FER: variants seen among roughly 807,000 people sequenced by gnomAD.
The protein encoded by FER is tyrosine-protein kinase Fer.
A neutral mutation model predicts 111.0 loss-of-function variants in FER; 63 were observed. The observed-to-expected ratio is 0.57, with a 90% confidence interval of 0.46 to 0.70. The LOEUF (loss-of-function observed/expected upper bound fraction) is 0.70. FER is among the 30% of genes least tolerant of loss of function. The pLI is 0.00. For missense variants in FER, 914 were observed against 954.0 expected (o/e 0.96, Z 0.55); for synonymous variants, 327 against 313.9 (o/e 1.04, Z -0.44).
chr5:109,045,438 G>A (rs1771825897), intron 15 of FER, among the ~76,000 whole-genome samples: 2 of 152,028 alleles, frequency 1.3e-5, no homozygotes, highest in Admixed American at 1.3e-4. Context: ...TTTCAAAGAT[G>A]AGTGAATTTA....
intron 5 of FER, among the ~76,000 whole-genome samples, chr5:108,867,145 T>C (rs147011644): frequency 1.0e-3 from 156 of 152,288 alleles, no homozygotes; most frequent in African/African-American, 3.5e-3. Context: ...CAAGGCTCTA[T>C]TTCAAGGACT....
intron 5 of FER, among the ~76,000 whole-genome samples, chr5:108,845,043 T>TATATATATATATATATATATATATATAC (rs1761855770): frequency 3.4e-5 from 1 of 29,336 alleles, no homozygotes; most frequent in Admixed American, 3.7e-4. Context: ...TATATATACA[T>TATATATATATATATATATATATATATAC]ATATATATAT....
chr5:108,802,932 T>C (rs575839083), intron 3 of FER, among the ~76,000 whole-genome samples: 3 of 152,306 alleles, frequency 2.0e-5, no homozygotes, highest in South Asian at 2.1e-4. Flanking sequence ...CTTTCTCTAG[T>C]GGCTGAACTA....
intron 13 of FER, among the ~76,000 whole-genome samples, chr5:108,972,763 C>T (rs1407617059): frequency 6.6e-6 from 1 of 152,122 alleles, no homozygotes; most frequent in Non-Finnish European, 1.5e-5. Context: ...ATTCTATTTT[C>T]AGAATAATGT....
At chr5:109,094,315 G>A (rs1332541605) in intron 16 of FER, among the ~76,000 whole-genome samples, 1 of 152,022 alleles carries the variant, frequency 6.6e-6, no homozygotes, top group Non-Finnish European at 1.5e-5. Flanking sequence ...CAGCTATATG[G>A]AATAATTGAG....
At chr5:108,984,638 G>T (rs1762372540) in intron 13 of FER, among the ~76,000 whole-genome samples, 1 of 150,870 alleles carries the variant, frequency 6.6e-6, no homozygotes, top group Non-Finnish European at 1.5e-5. Flanking sequence ...AATATTTATT[G>T]AGTATTATGC....
At chr5:108,973,647 A>T (rs1449423966) in intron 13 of FER, among the ~76,000 whole-genome samples, 3 of 152,080 alleles carry the variant, frequency 2.0e-5, no homozygotes, top group Admixed American at 6.5e-5. Flanking sequence ...AATAGAATCA[A>T]CCTCAGCAAA....
intron 5 of FER, among the ~76,000 whole-genome samples, chr5:108,860,858 A>G (rs1763448319): frequency 6.6e-6 from 1 of 152,190 alleles, no homozygotes; most frequent in Non-Finnish European, 1.5e-5. Flanking sequence ...ATCATGGTGG[A>G]AGAGGAAGAG....
At chr5:109,053,519 C>A (rs1351339023) in intron 16 of FER, among the ~76,000 whole-genome samples, 1 of 152,010 alleles carries the variant, frequency 6.6e-6, no homozygotes, top group Non-Finnish European at 1.5e-5. Flanking sequence ...TACCCTGTCA[C>A]AGCCAACCAC....
At chr5:109,172,196 G>A (rs1465045691) in intron 17 of FER, among the ~76,000 whole-genome samples, 1 of 151,858 alleles carries the variant, frequency 6.6e-6, no homozygotes, top group East Asian at 1.9e-4. Context: ...TATGCTTATT[G>A]CGGCACTATT....
chr5:108,886,715 C>T (rs1252207301), intron 9 of FER, among the ~76,000 whole-genome samples: 1 of 151,576 alleles, frequency 6.6e-6, no homozygotes, highest in African/African-American at 2.4e-5. Context: ...GTATGCCAAG[C>T]TTTTCAGGGG....
intron 6 of FER, among the ~76,000 whole-genome samples, chr5:108,871,028 T>C (rs1244206008): frequency 6.6e-6 from 1 of 152,102 alleles, no homozygotes; most frequent in Admixed American, 6.6e-5. Flanking sequence ...CAGAGTTCCA[T>C]GTTATTCAAC....
chr5:109,060,310 A>C (rs1774225112), intron 16 of FER, among the ~76,000 whole-genome samples: 1 of 152,214 alleles, frequency 6.6e-6, no homozygotes. Flanking sequence ...AGAAAAACAA[A>C]ACAACAAACT....
intron 17 of FER, among the ~76,000 whole-genome samples, chr5:109,152,155 C>T (rs970557217): frequency 3.3e-5 from 5 of 152,056 alleles, no homozygotes; most frequent in Non-Finnish European, 5.9e-5. Context: ...TGTAACCCTA[C>T]ATATTTATCT....
At chr5:108,785,104 C>T in intron 2 of FER, 1 of 475,918 alleles carries the variant, frequency 2.1e-6, no homozygotes. Context: ...TCACTGTCTC[C>T]TGTAGCTGGG....
At chr5:109,103,293 G>C (rs1273365518) in intron 17 of FER, among the ~76,000 whole-genome samples, 1 of 152,030 alleles carries the variant, frequency 6.6e-6, no homozygotes, top group East Asian at 1.9e-4. Flanking sequence ...ACTGACGGGA[G>C]GTCACTAGAA....
At chr5:108,924,468 A>G (rs1193282422) in intron 10 of FER, 4 of 499,022 alleles carry the variant, frequency 8.0e-6, no homozygotes, top group Non-Finnish European at 9.1e-6. Flanking sequence ...AAAACGCAAC[A>G]TTTGTTGGCT....
intron 17 of FER, among the ~76,000 whole-genome samples, chr5:109,123,393 T>C (rs892952233): frequency 1.9e-4 from 29 of 152,104 alleles, no homozygotes; most frequent in African/African-American, 6.0e-4. Context: ...CCTGGCCTCA[T>C]GATCCGCCCA....
At position 109,113,227 on chromosome 5, in the gene FER, A is replaced by G. The variant is rs138019720; in HGVS notation, c.2048+12708A>G. On this transcript the variant is annotated intron_variant, in intron 17 of 19. Transcript: ENST00000281092. ...TTGTTAAGTCTTTGCTGAAGTGAAA[A>G]CTGGGTTTTTCCTGCCTGATCTTGA... is the stretch of plus-strand genomic sequence containing the variant. Among the ~76,000 whole-genome samples, 198 of 152,208 alleles carry G rather than the reference A, an allele frequency of 1.3e-3. 1 individual carries two copies. The highest frequency in any genetic ancestry group is 4.7e-3 in the African/African-American group (195 of 41,542).
Sources: allele counts gnomAD v4.1 joint callset (sites outside exome capture counted in the v4.1 genomes callset), GRCh38; gene constraint gnomAD v4.1.1; transcripts MANE v1.5; gene names NCBI Gene and HGNC (gene_info 2026-07-23, HGNC 2026-07-21).